Variants in USP34 observed in about 807,000 individuals in gnomAD.
USP34 encodes ubiquitin carboxyl-terminal hydrolase 34.
A neutral mutation model predicts 460.3 loss-of-function variants in USP34; 70 were observed. That is an observed-to-expected ratio of 0.15 (90% CI 0.13 to 0.19). The LOEUF (loss-of-function observed/expected upper bound fraction) is 0.19, where lower values mean the gene tolerates loss of function less well. Among genes scored for constraint, USP34 ranks in the 10% least tolerant of loss-of-function variants. USP34 has a pLI of 1.00. For synonymous variants in USP34, 1,647 were observed against 1,405.3 expected (o/e 1.17, Z -3.85); for missense variants, 3,985 against 4,236.2 (o/e 0.94, Z 1.65).
intron 15 of USP34, among the ~76,000 whole-genome samples, chr2:61,346,747 G>A (rs1338271818): frequency 2.1e-5 from 3 of 145,268 alleles, no homozygotes; most frequent in Admixed American, 1.4e-4. Context: ...CAGAAGAATC[G>A]CTTGAACCTG....
intron 6 of USP34, among the ~76,000 whole-genome samples, chr2:61,382,453 C>G (rs1043706136): frequency 6.6e-6 from 1 of 152,200 alleles, no homozygotes; most frequent in Non-Finnish European, 1.5e-5. Flanking sequence ...ATTTGAATAG[C>G]TGACTCACGT....
Position 61,470,644 on chromosome 2 carries a change from A to C in USP34, c.43+6T>G. 2 of 1,581,682 alleles carry C rather than the reference A, an allele frequency of 1.3e-6. No individual in the cohort carries two copies. Among genetic ancestry groups the C allele is most frequent in the Non-Finnish European group, 8.6e-7 (1 of 1,160,712 alleles). Reference sequence around the variant, plus strand: ...ACCCCGACAGGCCGCTACCGCGGCTACTTACTTTCATTTAACACCTCCACC... The same window carrying C: ...ACCCCGACAGGCCGCTACCGCGGCTCCTTACTTTCATTTAACACCTCCACC... On this transcript the variant is annotated splice_donor_region_variant and intron_variant, in intron 1 of 79. Coordinates refer to ENST00000398571, the MANE Select transcript of USP34 (RefSeq NM_014709.4).
In USP34 at chr2:61,190,306, C is replaced by T. The variant is rs1354182840; in HGVS notation, c.9838G>A (p.Val3280Ile). 6 of 1,613,280 alleles carry T rather than the reference C, an allele frequency of 3.7e-6. No individual in the cohort carries two copies. Among genetic ancestry groups the T allele is most frequent in the Admixed American group, 1.7e-5 (1 of 59,802 alleles). ...GAAGCACTTGCTTTGGAAATTTCAA[C>T]TCGGTTGGAGAAATCAGACTGTAGG... ...QNLQSDFSNR[V>I]EISKASASLN... The change falls in exon 78 of 80, where the codon GTT becomes ATT. Residue 3280 changes from valine to isoleucine, a missense_variant. Val to Ile is a conservative substitution (Grantham distance 29). This residue lies in a region of USP34 where 506 missense variants were observed against 439.0 expected (regional missense o/e 1.15). Transcript: ENST00000398571.
intron 1 of USP34, among the ~76,000 whole-genome samples, chr2:61,467,863 C>T (rs950794627): frequency 3.3e-5 from 5 of 151,812 alleles, no homozygotes; most frequent in Non-Finnish European, 5.9e-5. Context: ...CCTTGTGATC[C>T]GCCCACCTCG....
intron 15 of USP34, among the ~76,000 whole-genome samples, chr2:61,345,534 TGATA>T (rs1452151498): frequency 3.3e-5 from 5 of 152,184 alleles, no homozygotes; most frequent in Non-Finnish European, 7.3e-5. Flanking sequence ...GTAACGACAA[TGATA>T]AATATACAGC....
intron 15 of USP34, among the ~76,000 whole-genome samples, chr2:61,347,336 G>C (rs1358665317): frequency 1.3e-5 from 2 of 151,996 alleles, no homozygotes; most frequent in Non-Finnish European, 1.5e-5. Flanking sequence ...GATATTATTG[G>C]TTTAACATGA....
At chr2:61,246,612 T>A (rs1432784647) in intron 49 of USP34, 135 bp from the exon 50 acceptor site, 1 of 633,256 alleles carries the variant, frequency 1.6e-6, no homozygotes, top group African/African-American at 1.9e-5. Context: ...TTTCCCAATG[T>A]GACGAGTTAC....
chr2:61,209,464 A>G (rs903706223), intron 69 of USP34, among the ~76,000 whole-genome samples: 4 of 152,232 alleles, frequency 2.6e-5, no homozygotes, highest in Non-Finnish European at 5.9e-5. Context: ...CACAAACACA[A>G]TGGTGGTCCC....
At chr2:61,396,341 T>C (rs6545863) in intron 3 of USP34, among the ~76,000 whole-genome samples, 16,138 of 152,210 alleles carry the variant, frequency 0.11, 1,116 homozygotes, top group Non-Finnish European at 0.15. Flanking sequence ...CACATTGCCT[T>C]TGACCCAGCA....
intron 1 of USP34, 141 bp downstream of exon 1, chr2:61,470,508 CG>C (rs1467799137): frequency 1.7e-5 from 4 of 229,436 alleles, no homozygotes; most frequent in African/African-American, 9.5e-5. Flanking sequence ...CGCGCCACCG[CG>C]CACCTTCCCG....
chr2:61,444,242 G>C (rs1334866516), intron 1 of USP34, among the ~76,000 whole-genome samples: 1 of 151,912 alleles, frequency 6.6e-6, no homozygotes, highest in Non-Finnish European at 1.5e-5. Context: ...GCAAAACCCT[G>C]TCCCAAAAAT....
At chr2:61,409,651 T>C (rs974306672) in intron 2 of USP34, among the ~76,000 whole-genome samples, 2 of 151,828 alleles carry the variant, frequency 1.3e-5, no homozygotes, top group South Asian at 4.2e-4. Context: ...GAAGCAGAGG[T>C]TGCAGTGAGC....
chr2:61,407,451 C>A (rs1011761812), intron 2 of USP34, among the ~76,000 whole-genome samples: 1 of 152,134 alleles, frequency 6.6e-6, no homozygotes, highest in Admixed American at 6.5e-5. Context: ...CAGATGACAG[C>A]TAAGCAACTA....
chr2:61,190,056 T>G, intron 78 of USP34: 1 of 465,432 alleles, frequency 2.1e-6, no homozygotes, highest in South Asian at 6.1e-5. Flanking sequence ...CTTTCAGCAT[T>G]TAATGATACC....
chr2:61,381,302 C>G (rs1209498075), intron 6 of USP34, among the ~76,000 whole-genome samples: 1 of 150,884 alleles, frequency 6.6e-6, no homozygotes, highest in African/African-American at 2.4e-5. Flanking sequence ...ACCTAGCTAA[C>G]CAGAGAACTG....
At chr2:61,380,052 C>A (rs1255724262) in intron 7 of USP34, 117 bp downstream of exon 7, 4 of 766,882 alleles carry the variant, frequency 5.2e-6, no homozygotes, top group South Asian at 2.8e-5. Flanking sequence ...ATAAAGTAAT[C>A]CACATAAAAT....
At chr2:61,262,069 T>C (rs1383913885) in intron 43 of USP34, among the ~76,000 whole-genome samples, 6 of 81,530 alleles carry the variant, frequency 7.4e-5, no homozygotes, top group Non-Finnish European at 1.5e-4. Flanking sequence ...CTAGCTTGGG[T>C]AACAAAGCAA....
intron 1 of USP34, among the ~76,000 whole-genome samples, chr2:61,448,113 A>G (rs531184027): frequency 6.6e-6 from 1 of 152,256 alleles, no homozygotes; most frequent in African/African-American, 2.4e-5. Context: ...GTCTTTCTTC[A>G]TACAAAGTGG....
chr2:61,188,975 C>T lies in USP34; in HGVS notation c.9968G>A (p.Cys3323Tyr), dbSNP rs774051253. ...IPTLQELLSK[C>Y]RTCLQQRNSL... is the part of the protein sequence containing the mutation. ...GTTTCTCTGTTGCAGACAAGTCCTG[C>T]ATTTGCTTAAAAGCTCTTGCAGAGT... The change falls in exon 79 of 80, where the codon TGC (cysteine) becomes TAC (tyrosine). Residue 3323 changes from cysteine (C) to tyrosine (Y), a missense_variant. Physicochemically the swap from Cys to Tyr is radical, Grantham distance 194. This residue lies in a region of USP34 where 506 missense variants were observed against 439.0 expected (regional missense o/e 1.15). Transcript: ENST00000398571. The T allele has an allele frequency of 6.2e-7, 1 of 1,614,164 alleles. No individual in the cohort carries two copies. The highest frequency in any genetic ancestry group is 8.5e-7 in the Non-Finnish European group (1 of 1,180,034).
Sources: allele counts gnomAD v4.1 joint callset (sites outside exome capture counted in the v4.1 genomes callset), GRCh38; gene constraint gnomAD v4.1.1; regional missense constraint gnomAD v4.1.1; transcripts MANE v1.5; gene names NCBI Gene and HGNC (gene_info 2026-07-23, HGNC 2026-07-21).